The following CSGALNACT1 variants were observed in gnomAD, a reference collection of about 807,000 sequenced individuals.
The protein encoded by CSGALNACT1 is chondroitin sulfate N-acetylgalactosaminyltransferase 1.
Under a neutral mutation model 51.0 loss-of-function variants are expected in CSGALNACT1, and 52 were observed. The ratio of observed to expected loss-of-function variants is 1.02; its 90% confidence interval spans 0.82 to 1.29. CSGALNACT1 has a LOEUF of 1.29. Among genes scored for constraint, CSGALNACT1 ranks in the 50% most tolerant of loss-of-function variants. The pLI is 0.00. For synonymous variants in CSGALNACT1, 341 were observed against 254.4 expected (o/e 1.34, Z -3.24); for missense variants, 935 against 679.2 (o/e 1.38, Z -4.19).
At chr8:19,645,669 C>G (rs1006305884) in intron 1 of CSGALNACT1, among the ~76,000 whole-genome samples, 1 of 152,230 alleles carries the variant, frequency 6.6e-6, no homozygotes, top group Non-Finnish European at 1.5e-5. Context: ...AAAGACTGGA[C>G]TCCTGGGTCA....
rs1319652414 is a variant in CSGALNACT1, at chr8:19,404,947, T to C, written c.*833A>G. On this transcript the variant is annotated 3_prime_UTR_variant, in exon 10 of 10. Transcript: ENST00000454498. ...CATTCCTTCCCTATGTCTCAATGCC[T>C]GACATTCAGTGCCTGACAGAATCAG... is the stretch of plus-strand genomic sequence containing the variant. 1.1e-5 allele frequency: 5 copies of C among 453,220 alleles called. No homozygotes were observed. The Admixed American group carries it at 1.2e-4, about 11-fold the overall frequency. The allele number at this position is 453,220 out of a possible 1,614,324, so 28.1% of individuals were successfully genotyped here.
intron 1 of CSGALNACT1, among the ~76,000 whole-genome samples, chr8:19,618,137 C>T (rs377148121): frequency 3.3e-5 from 5 of 152,232 alleles, no homozygotes; most frequent in South Asian, 2.1e-4. Flanking sequence ...CCTCACCCCC[C>T]CGACAAAGCA....
intron 3 of CSGALNACT1, among the ~76,000 whole-genome samples, chr8:19,565,809 G>C (rs768008159): frequency 1.3e-5 from 2 of 152,182 alleles, no homozygotes; most frequent in African/African-American, 2.4e-5. Context: ...TACTTGGGAG[G>C]CTGAGGCAGC....
chr8:19,657,065 TAA>T (rs200755706), intron 1 of CSGALNACT1, among the ~76,000 whole-genome samples: 55,720 of 125,334 alleles, frequency 0.44, 11,702 homozygotes, highest in Middle Eastern at 0.58. Context: ...TCCATCTCAT[TAA>T]AAAAAAAAAA....
At chr8:19,623,633 A>G (rs939692525) in intron 1 of CSGALNACT1, among the ~76,000 whole-genome samples, 3 of 152,268 alleles carry the variant, frequency 2.0e-5, no homozygotes, top group African/African-American at 7.2e-5. Flanking sequence ...GAAATTACAC[A>G]GAGTAGGTTC....
upstream of CSGALNACT1, among the ~76,000 whole-genome samples, chr8:19,604,002 C>G (rs918231761): frequency 6.6e-6 from 1 of 152,180 alleles, no homozygotes; most frequent in Non-Finnish European, 1.5e-5. Flanking sequence ...ACTGCAGGTT[C>G]GGAGCCACGG....
chr8:19,667,257 C>A (rs1181186181), intron 1 of CSGALNACT1, among the ~76,000 whole-genome samples: 1 of 131,522 alleles, frequency 7.6e-6, no homozygotes, highest in Non-Finnish European at 1.6e-5. Context: ...CCCATCTCTA[C>A]CAAAAAAAAA....
At chr8:19,750,072 A>G (rs2064933360) in intron 1 of CSGALNACT1, among the ~76,000 whole-genome samples, 1 of 152,150 alleles carries the variant, frequency 6.6e-6, no homozygotes, top group South Asian at 2.1e-4. Flanking sequence ...TGGATCCCCA[A>G]CCGCTTCTGT....
intron 2 of CSGALNACT1, among the ~76,000 whole-genome samples, chr8:19,598,173 C>G (rs2049386087): frequency 6.6e-6 from 1 of 152,156 alleles, no homozygotes; most frequent in South Asian, 2.1e-4. Context: ...AATAGCAGAG[C>G]TCAAAACAGA....
At chr8:19,607,548 G>A (rs2051565813) in intron 1 of CSGALNACT1, among the ~76,000 whole-genome samples, 1 of 152,174 alleles carries the variant, frequency 6.6e-6, no homozygotes, top group Non-Finnish European at 1.5e-5. Context: ...CATTTTATTA[G>A]ACACCCTTTT....
Position 19,600,377 on chromosome 8 carries a change from G to C in CSGALNACT1, c.-416+1394C>G, listed in dbSNP as rs2050143128. ...TTATAGGAGTGAGCCACCGCACCCA[G>C]CCTACTTCTCTATTTTGTAAAGTTT... is the stretch of plus-strand genomic sequence containing the variant. On this transcript the variant is annotated intron_variant, in intron 2 of 9. Coordinates refer to ENST00000454498, the Ensembl canonical transcript of CSGALNACT1. 2.0e-5 allele frequency among the ~76,000 whole-genome samples: 3 copies of C among 152,162 alleles called. 1 individual carries two copies. Among genetic ancestry groups the C allele is most frequent in the Admixed American group, 6.5e-5 (1 of 15,276 alleles).
chr8:19,405,857 C>G, exon 10 of CSGALNACT1: 1 of 1,614,082 alleles, frequency 6.2e-7, no homozygotes, highest in Non-Finnish European at 8.5e-7. Flanking sequence ...ACCAGCATGC[C>G]CAGCTGGCCG....
At chr8:19,407,641 C>A (rs2054520877) in intron 9 of CSGALNACT1, among the ~76,000 whole-genome samples, 1 of 152,142 alleles carries the variant, frequency 6.6e-6, no homozygotes, top group Admixed American at 6.5e-5. Flanking sequence ...GATCTCTTTC[C>A]CTTTGACATG....
At chr8:19,747,392 T>C (rs1026795048) in intron 1 of CSGALNACT1, among the ~76,000 whole-genome samples, 15 of 152,212 alleles carry the variant, frequency 9.9e-5, no homozygotes, top group Admixed American at 9.8e-4. Flanking sequence ...CCCCAAGCAC[T>C]GGTGCAGACT....
At chr8:19,415,051 G>A (rs926394493) in intron 8 of CSGALNACT1, among the ~76,000 whole-genome samples, 4 of 152,062 alleles carry the variant, frequency 2.6e-5, no homozygotes, top group Non-Finnish European at 4.4e-5. Context: ...TCCTTCATAC[G>A]TCAGTTCTCA....
At chr8:19,410,034 C>T (rs1185092141) in intron 8 of CSGALNACT1, among the ~76,000 whole-genome samples, 1 of 152,182 alleles carries the variant, frequency 6.6e-6, no homozygotes, top group Non-Finnish European at 1.5e-5. Flanking sequence ...CTTAAATGTT[C>T]TTTAACTCTG....
At chr8:19,460,998 C>G (rs957275170) in intron 4 of CSGALNACT1, among the ~76,000 whole-genome samples, 1 of 152,102 alleles carries the variant, frequency 6.6e-6, no homozygotes, top group Non-Finnish European at 1.5e-5. Flanking sequence ...CCCACAGTTC[C>G]CCAGCAGTGA....
At chr8:19,505,330 C>T (rs745894567) in exon 4 of CSGALNACT1, 1 of 1,614,200 alleles carries the variant, frequency 6.2e-7, no homozygotes, top group Admixed American at 1.7e-5. Context: ...ACAGGCTTCT[C>T]CTCGGGGTGG....
intron 4 of CSGALNACT1, among the ~76,000 whole-genome samples, chr8:19,479,605 G>T (rs1231720462): frequency 1.3e-5 from 2 of 152,080 alleles, no homozygotes; most frequent in Non-Finnish European, 1.5e-5. Context: ...CACATGAAAG[G>T]TATAAGAAGT....
Sources: gnomAD v4.1 joint callset for allele counts (sites outside exome capture counted in the v4.1 genomes callset) on GRCh38, gnomAD v4.1.1 for gene constraint, MANE v1.5 for transcripts, NCBI Gene and HGNC (gene_info 2026-07-23, HGNC 2026-07-21) for gene names.